BBS9: variants seen among roughly 807,000 people sequenced by gnomAD.
The protein encoded by BBS9 is protein PTHB1.
In BBS9, 89 loss-of-function variants were observed where a neutral mutation model predicts 117.7. That is an observed-to-expected ratio of 0.76 (90% CI 0.64 to 0.90). The LOEUF is 0.90. Among genes scored for constraint, BBS9 ranks in the 40% least tolerant of loss-of-function variants. BBS9 has a pLI of 0.00. For synonymous variants in BBS9, 379 were observed against 370.9 expected (o/e 1.02, Z -0.25); for missense variants, 982 against 1,042.2 (o/e 0.94, Z 0.80).
rs1287284891 is a variant in BBS9, at chr7:33,223,023, A to C, written c.443-34213A>C. Among the ~76,000 whole-genome samples, 3 of 151,838 alleles carry C rather than the reference A, an allele frequency of 2.0e-5. No individual in the cohort carries two copies. The East Asian group carries it at 5.8e-4, about 29-fold the overall frequency. On this transcript the variant is annotated intron_variant, in intron 5 of 22. Transcript: ENST00000242067. ...TTGTAAGAAGAATAACAGGGTTTAT[A>C]TAAGGTTCTGGCCCTGCTAAGCCCC...
chr7:33,199,306 T>C (rs1785446827), intron 5 of BBS9, among the ~76,000 whole-genome samples: 1 of 151,986 alleles, frequency 6.6e-6, no homozygotes, highest in Non-Finnish European at 1.5e-5. Flanking sequence ...TGTAGGTTAG[T>C]AGGTATTGGG....
At chr7:33,465,943 A>G (rs544925744) in intron 19 of BBS9, among the ~76,000 whole-genome samples, 1 of 152,208 alleles carries the variant, frequency 6.6e-6, no homozygotes, top group Admixed American at 6.5e-5. Context: ...TCAAGTTGAT[A>G]TAAATCAAGG....
At chr7:33,161,595 CT>C (rs1284313127) in intron 4 of BBS9, among the ~76,000 whole-genome samples, 5 of 152,158 alleles carry the variant, frequency 3.3e-5, no homozygotes, top group Non-Finnish European at 7.3e-5. Context: ...ATACATGTGT[CT>C]TTATAGTAGC....
chr7:33,582,923 C>T (rs1290314523), intron 21 of BBS9, among the ~76,000 whole-genome samples: 1 of 152,126 alleles, frequency 6.6e-6, no homozygotes, highest in Admixed American at 6.6e-5. Context: ...TACCAGAGGA[C>T]CAGCCTTTGG....
intron 11 of BBS9, among the ~76,000 whole-genome samples, chr7:33,342,899 G>A (rs1410424447): frequency 6.6e-6 from 1 of 151,990 alleles, no homozygotes; most frequent in Non-Finnish European, 1.5e-5. Context: ...CACAAAGCCT[G>A]GATTAATATT....
chr7:33,153,859 G>A (rs1054336261), intron 3 of BBS9, among the ~76,000 whole-genome samples: 3 of 152,190 alleles, frequency 2.0e-5, no homozygotes, highest in Non-Finnish European at 2.9e-5. Context: ...AAAGCAGATG[G>A]TGATTAGGTT....
chr7:33,465,075 T>C (rs1178085773), intron 19 of BBS9, among the ~76,000 whole-genome samples: 1 of 151,988 alleles, frequency 6.6e-6, no homozygotes, highest in Non-Finnish European at 1.5e-5. Context: ...AATTGCTGAT[T>C]ATGTTGTTCT....
At chr7:33,594,826 A>G (rs561502908) in intron 21 of BBS9, among the ~76,000 whole-genome samples, 1 of 152,076 alleles carries the variant, frequency 6.6e-6, no homozygotes, top group Non-Finnish European at 1.5e-5. Flanking sequence ...TTTATTAAGA[A>G]TCTCCTATAT....
intron 19 of BBS9, among the ~76,000 whole-genome samples, chr7:33,400,281 A>G (rs1478341657): frequency 1.3e-5 from 2 of 152,176 alleles, no homozygotes; most frequent in Non-Finnish European, 2.9e-5. Flanking sequence ...GATGTTTCTA[A>G]TATTACAATA....
intron 5 of BBS9, among the ~76,000 whole-genome samples, chr7:33,183,506 C>T (rs184258287): frequency 4.3e-4 from 65 of 152,252 alleles, no homozygotes; most frequent in African/African-American, 1.5e-3. Flanking sequence ...CTACTTTAAC[C>T]AGGCCAAACA....
At chr7:33,535,384 CTTTAAA>C (rs768407316) in intron 21 of BBS9, among the ~76,000 whole-genome samples, 2 of 152,060 alleles carry the variant, frequency 1.3e-5, no homozygotes, top group Non-Finnish European at 2.9e-5. Context: ...ATGATTCAGC[CTTTAAA>C]TTTAGAGGTG....
rs932657565 is a variant in BBS9 at position 33,411,020 on chromosome 7, T to G, written c.2115+22876T>G. On this transcript the variant is annotated intron_variant, in intron 19 of 22. Transcript: ENST00000242067. ...AACTTAAAATGTTGGTGTTTTTTTT[T>G]TTTTTTTTTTTGCTTTATATATCTC... Among the ~76,000 whole-genome samples, 5 of 142,208 alleles carry G rather than the reference T, an allele frequency of 3.5e-5. No homozygotes were observed. In the East Asian group the frequency reaches 9.7e-4, roughly 28 times the overall value. 93.3% of individuals were successfully genotyped at this position (142,208 alleles called of 152,430 possible). A position where few individuals can be genotyped will look rare whatever the true frequency, so the allele number is the denominator to read the frequency against.
intron 19 of BBS9, among the ~76,000 whole-genome samples, chr7:33,457,947 A>C (rs1838884289): frequency 6.6e-6 from 1 of 152,176 alleles, no homozygotes; most frequent in Non-Finnish European, 1.5e-5. Context: ...TTCAAGTAAC[A>C]CAGCAAGTGG....
intron 20 of BBS9, among the ~76,000 whole-genome samples, chr7:33,521,051 A>C (rs1848521068): frequency 6.6e-6 from 1 of 152,152 alleles, no homozygotes; most frequent in Non-Finnish European, 1.5e-5. Flanking sequence ...TTTTGCCTGA[A>C]CTAAACTTTA....
chr7:33,580,740 A>G (rs1298081750), intron 21 of BBS9, among the ~76,000 whole-genome samples: 2 of 152,202 alleles, frequency 1.3e-5, no homozygotes, highest in East Asian at 1.9e-4. Context: ...GCTGAAAGGA[A>G]TACAATAGAA....
intron 21 of BBS9, among the ~76,000 whole-genome samples, chr7:33,556,572 G>C (rs998016741): frequency 1.3e-5 from 2 of 152,152 alleles, no homozygotes; most frequent in Admixed American, 1.3e-4. Flanking sequence ...TGTCCTGTAA[G>C]TTTATAGCCT....
chr7:33,165,531 T>G (rs986229905), intron 4 of BBS9, among the ~76,000 whole-genome samples: 3 of 152,094 alleles, frequency 2.0e-5, no homozygotes, highest in Non-Finnish European at 2.9e-5. Flanking sequence ...TTCGTTTTTT[T>G]TTTTACTCTT....
chr7:33,472,856 C>G (rs1841251140), intron 19 of BBS9, among the ~76,000 whole-genome samples: 1 of 152,202 alleles, frequency 6.6e-6, no homozygotes, highest in Non-Finnish European at 1.5e-5. Flanking sequence ...TAAACATTGT[C>G]AACAGTGTCA....
intron 9 of BBS9, among the ~76,000 whole-genome samples, chr7:33,297,756 G>C (rs903452925): frequency 6.6e-6 from 1 of 151,988 alleles, no homozygotes; most frequent in Non-Finnish European, 1.5e-5. Context: ...GAGATAGGTT[G>C]GTCAATAATA....
Sources: gnomAD v4.1 joint callset for allele counts (sites outside exome capture counted in the v4.1 genomes callset) on GRCh38, gnomAD v4.1.1 for gene constraint, MANE v1.5 for transcripts, NCBI Gene and HGNC (gene_info 2026-07-23, HGNC 2026-07-21) for gene names.